CAPG: variants seen among roughly 807,000 people sequenced by gnomAD.
CAPG encodes capping actin protein, gelsolin like.
CAPG carries 32 observed loss-of-function variants against 44.6 expected under a neutral mutation model. That is an observed-to-expected ratio of 0.72 (90% CI 0.54 to 0.96). The LOEUF is 0.96. Among genes scored for constraint, CAPG ranks in the 50% least tolerant of loss-of-function variants. The pLI, the probability that CAPG is intolerant of heterozygous loss-of-function variation, is 0.00. For synonymous variants in CAPG, 175 were observed against 179.6 expected (o/e 0.97, Z 0.20); for missense variants, 412 against 438.3 (o/e 0.94, Z 0.54).
Position 85,404,459 on chromosome 2 carries a change from A to T in CAPG, c.-13-2301T>A, listed in dbSNP as rs1193050371. On this transcript the variant is annotated intron_variant, in intron 1 of 9. Transcript: ENST00000263867. ...ACCACAACCCTACAAAAATTTTAAA[A>T]ATCAGCCAAGGCCAGGTGCAGTGGC... is the stretch of plus-strand genomic sequence containing the variant. Among the ~76,000 whole-genome samples the T allele has an allele frequency of 3.9e-5, 6 of 152,292 alleles. No individual in the cohort carries two copies. The East Asian group carries it at 7.7e-4, about 20-fold the overall frequency.
At chr2:85,412,789 A>T (rs1392732099), upstream of CAPG, among the ~76,000 whole-genome samples, 1 of 152,220 alleles carries the variant, frequency 6.6e-6, no homozygotes, top group Non-Finnish European at 1.5e-5. Flanking sequence ...TTAACCTGGT[A>T]GAGTGATAAG....
chr2:85,396,116 T>C (rs373142903), intron 8 of CAPG: 163 of 154,116 alleles, frequency 1.1e-3, no homozygotes, highest in African/African-American at 3.8e-3. Context: ...CTTACAAAAA[T>C]GAAGACCCCA....
upstream of CAPG, chr2:85,410,584 G>T (rs1687377323): frequency 6.6e-6 from 1 of 152,390 alleles, no homozygotes; most frequent in Non-Finnish European, 1.5e-5. Flanking sequence ...GAGGCTGGAG[G>T]TCCACACAGC....
upstream of CAPG, among the ~76,000 whole-genome samples, chr2:85,410,865 GTTT>G (rs200397680): frequency 1.6e-5 from 2 of 126,202 alleles, no homozygotes; most frequent in African/African-American, 3.0e-5. Context: ...GGTTTTTTTT[GTTT>G]TTTTTTTTTT....
At position 85,395,084 on chromosome 2, in the gene CAPG, C is replaced by G; in HGVS notation, c.982-126G>C. 1.4e-6 allele frequency: 1 copy of G among 699,582 alleles called. No individual in the cohort carries two copies. The highest frequency in any genetic ancestry group is 3.3e-4 in the Middle Eastern group (1 of 3,002). The allele number at this position is 699,582 out of a possible 1,614,324, so 43.3% of individuals were successfully genotyped here. A position where few individuals can be genotyped will look rare whatever the true frequency, so the allele number is the denominator to read the frequency against. ...CGCCTGGCCTGAATCCATGTGCAGTCCAGGCTGGGAAAGCTCCCCTGGATG... is the reference window on the plus strand; with the variant it reads ...CGCCTGGCCTGAATCCATGTGCAGTGCAGGCTGGGAAAGCTCCCCTGGATG... On this transcript the variant is annotated intron_variant, in intron 9 of 9. Transcript: ENST00000263867. This position sits in a 1 kb window ranked among gnomAD's most constrained non-coding sequence, Gnocchi z 4.3.
intron 9 of CAPG, 26 bp from the exon 10 acceptor site, chr2:85,394,984 T>A: frequency 3.8e-6 from 6 of 1,573,874 alleles, no homozygotes; most frequent in Non-Finnish European, 5.2e-6. Context: ...GGGAGAAGTC[T>A]GGTTCACAAA....
intron 5 of CAPG, among the ~76,000 whole-genome samples, chr2:85,399,867 G>A (rs1162589329): frequency 6.6e-6 from 1 of 151,236 alleles, no homozygotes; most frequent in Non-Finnish European, 1.5e-5. Context: ...TCAGCCTGCC[G>A]AGTAGCTGGG....
intron 7 of CAPG, 129 bp from the exon 8 acceptor site, chr2:85,398,281 G>C (rs1482594966): frequency 6.5e-6 from 7 of 1,072,156 alleles, no homozygotes; most frequent in African/African-American, 1.6e-5. Flanking sequence ...CAGGTCCCAG[G>C]AGCAGACAAG....
downstream of CAPG, among the ~76,000 whole-genome samples, chr2:85,393,347 A>C (rs1487759120): frequency 1.3e-5 from 2 of 151,954 alleles, no homozygotes; most frequent in East Asian, 3.9e-4. Context: ...CAAAAATCTT[A>C]ATCTGTGTAT....
rs775646348 is a variant in CAPG, at chr2:85,402,174, A to C, written c.-13-16T>G. 1.3e-5 allele frequency: 20 copies of C among 1,584,836 alleles called. No homozygotes were observed. The highest frequency in any genetic ancestry group is 1.6e-5 in the Non-Finnish European group (19 of 1,163,426). On this transcript the variant is annotated splice_polypyrimidine_tract_variant and intron_variant, in intron 1 of 9. Transcript: ENST00000263867. The stretch of plus-strand genomic sequence containing the variant: ...GTCTTCAGATCTGGAAAGAAAGAAG[A>C]AGCCATTATTATTACAAATGCCACA...
At chr2:85,402,752 C>T (rs1378033270) in intron 1 of CAPG, among the ~76,000 whole-genome samples, 1 of 150,752 alleles carries the variant, frequency 6.6e-6, no homozygotes, top group East Asian at 1.9e-4. Flanking sequence ...AGGCATGAGC[C>T]ACCATGCCTG....
chr2:85,413,295 A>G (rs1687470865), upstream of CAPG: 1 of 152,224 alleles, frequency 6.6e-6, no homozygotes, highest in Non-Finnish European at 1.5e-5. Flanking sequence ...CAGCGAAACA[A>G]CTGGCTGGGC....
chr2:85,415,203 C>T (rs1687524518), upstream of CAPG, among the ~76,000 whole-genome samples: 1 of 152,164 alleles, frequency 6.6e-6, no homozygotes. Flanking sequence ...CTCTGAAACT[C>T]CCTCTGCAGT....
intron 1 of CAPG, among the ~76,000 whole-genome samples, chr2:85,416,837 A>T (rs1687563036): frequency 6.6e-6 from 1 of 152,104 alleles, no homozygotes; most frequent in Non-Finnish European, 1.5e-5. Flanking sequence ...GAAGACATTG[A>T]TTCAGGATGC....
chr2:85,396,237 G>A (rs80248085), intron 8 of CAPG, among the ~76,000 whole-genome samples: 13,166 of 152,156 alleles, frequency 0.087, 602 homozygotes, highest in South Asian at 0.16. Flanking sequence ...CCGGGCTGGA[G>A]TGCAGCGGCA....
upstream of CAPG, among the ~76,000 whole-genome samples, chr2:85,410,928 A>G (rs563666330): frequency 6.8e-6 from 1 of 147,756 alleles, no homozygotes; most frequent in Non-Finnish European, 1.5e-5. Flanking sequence ...TGGCATTATC[A>G]CCGCTAACCG....
rs939782679 is a variant in CAPG at position 85,401,660 on chromosome 2, G to A, written c.220C>T (p.Gln74Ter). Residue 74 changes from glutamine to a stop codon, truncating the protein, a stop_gained, in exon 4 of 10, where the codon CAG becomes TAG. Transcript: ENST00000263867. LOFTEE classifies it high-confidence loss of function. ...ACAGCCAGCACGGCACAGGCCCCCT[G>A]CTCATCCCGGGATGACTGCTGGCCT... Reference protein sequence around the residue: ...WIGQQSSRDEQGACAVLAVHL... With the variant: ...WIGQQSSRDE The A allele has an allele frequency of 1.9e-6, 3 of 1,614,162 alleles. No homozygotes were observed. Among genetic ancestry groups the A allele is most frequent in the Non-Finnish European group, 1.7e-6 (2 of 1,180,030 alleles).
chr2:85,398,393 A>C (rs966836402), intron 7 of CAPG: 8 of 586,276 alleles, frequency 1.4e-5, no homozygotes, highest in Non-Finnish European at 2.4e-5. Context: ...AATTAGGTGG[A>C]TTCCAAATTA....
chr2:85,404,175 A>G lies in CAPG; in HGVS notation c.-13-2017T>C, dbSNP rs971890038. ...TATACAATATATACACATACATTGC[A>G]TATGTACAATGAAACATCACACTGC... On this transcript the variant is annotated intron_variant, in intron 1 of 9. Transcript: ENST00000263867. Among the ~76,000 whole-genome samples, 104 of 151,930 alleles carry G rather than the reference A, an allele frequency of 6.8e-4. 1 individual carries two copies. The highest frequency in any genetic ancestry group is 2.2e-3 in the Admixed American group (34 of 15,256).
Sources: gnomAD v4.1 joint callset for allele counts (sites outside exome capture counted in the v4.1 genomes callset) on GRCh38, gnomAD v4.1.1 for gene constraint, Gnocchi (gnomAD v3.1) non-coding constraint, MANE v1.5 for transcripts, NCBI Gene and HGNC (gene_info 2026-07-23, HGNC 2026-07-21) for gene names.